The following RGL1 variants were observed in gnomAD, a reference collection of about 807,000 sequenced individuals.
RGL1 encodes the protein ral guanine nucleotide dissociation stimulator like 1.
RGL1 carries 24 observed loss-of-function variants against 95.2 expected under a neutral mutation model. The ratio of observed to expected loss-of-function variants is 0.25; its 90% CI spans 0.18 to 0.35. The LOEUF is 0.35. Among genes scored for constraint, RGL1 ranks in the 10% least tolerant of loss-of-function variants. The probability of loss-of-function intolerance (pLI) is 1.00; values close to 1 mark genes in which losing one functional copy is unlikely to be tolerated. For missense variants in RGL1, 715 were observed against 936.3 expected, an observed-to-expected ratio of 0.76 and a Z score of 3.08; for synonymous variants, 329 against 344.9, an observed-to-expected ratio of 0.95 and a Z score of 0.51.
intron 2 of RGL1, among the ~76,000 whole-genome samples, chr1:183,791,738 A>G (rs1430303068): frequency 6.6e-6 from 1 of 152,240 alleles, no homozygotes; most frequent in Non-Finnish European, 1.5e-5. Context: ...GAAGTATTCT[A>G]AAGTCCATTG....
At chr1:183,718,212 C>T (rs944855131) in intron 1 of RGL1, among the ~76,000 whole-genome samples, 2 of 138,070 alleles carry the variant, frequency 1.4e-5, no homozygotes, top group Non-Finnish European at 3.1e-5. Flanking sequence ...CCATCCTGGG[C>T]GACAGAGGGA....
chr1:183,904,759 G>A, intron 12 of RGL1, 91 bp from the exon 13 acceptor site: 1 of 1,306,130 alleles, frequency 7.7e-7, no homozygotes, highest in African/African-American at 1.5e-5. Context: ...TTATCCTAAT[G>A]TGGTATATTT....
intron 1 of RGL1, chr1:183,648,271 G>A (rs1246378805): frequency 1.1e-5 from 18 of 1,614,066 alleles, no homozygotes; most frequent in South Asian, 3.3e-5. Flanking sequence ...AGAGCTTCGC[G>A]GTTCCATGCT....
In RGL1 at chr1:183,927,307, C is replaced by G. The variant is rs547126249; in HGVS notation, c.*1015C>G. On this transcript the variant is annotated 3_prime_UTR_variant, in exon 18 of 18. Transcript: ENST00000360851. Reference sequence around the variant, plus strand: ...ACCTCTTTATTATGTGCAATTTATTCCTCAGGTGTGGAAATTTCTACTGCA... The same window carrying G: ...ACCTCTTTATTATGTGCAATTTATTGCTCAGGTGTGGAAATTTCTACTGCA... 1 of 152,600 alleles carries G rather than the reference C, an allele frequency of 6.6e-6. No homozygotes were observed. Among genetic ancestry groups the G allele is most frequent in the Admixed American group, 6.5e-5 (1 of 15,292 alleles). The allele number at this position is 152,600 out of a possible 1,614,324, so 9.5% of individuals were successfully genotyped here. A position where few individuals can be genotyped will look rare whatever the true frequency, so the allele number is the denominator to read the frequency against.
rs115919700 is a variant in RGL1, at chr1:183,692,589, G to A, written c.-32-49537G>A. Among the ~76,000 whole-genome samples the A allele has an allele frequency of 8.1e-3, 1,228 of 152,194 alleles. 18 individuals carry two copies. The highest frequency in any genetic ancestry group is 0.027 in the African/African-American group (1,130 of 41,520). The stretch of plus-strand genomic sequence containing the variant: ...CAGGTAGTTCACCTTTTATAGTTTC[G>A]TGCTTATTAACATAAATTTACTTTT... On this transcript the variant is annotated intron_variant, in intron 1 of 18. Coordinates refer to the RGL1 transcript ENST00000304685.
chr1:183,801,529 T>G (rs796895542), upstream of RGL1, among the ~76,000 whole-genome samples: 5 of 152,362 alleles, frequency 3.3e-5, no homozygotes, highest in African/African-American at 1.2e-4. Flanking sequence ...ATTTTAATTT[T>G]CTTGCCTGTG....
At chr1:183,887,092 C>CA (rs1229783152) in intron 7 of RGL1, among the ~76,000 whole-genome samples, 4 of 151,470 alleles carry the variant, frequency 2.6e-5, no homozygotes, top group Admixed American at 2.0e-4. Flanking sequence ...CTTTGTTGAA[C>CA]CATGCTCCCA....
intron 2 of RGL1, among the ~76,000 whole-genome samples, chr1:183,760,858 G>A (rs189971033): frequency 1.3e-3 from 194 of 152,198 alleles, no homozygotes; most frequent in African/African-American, 4.4e-3. Context: ...CACCACATTC[G>A]CAGCCCATTC....
chr1:183,763,646 G>A (rs1256929210), intron 2 of RGL1, among the ~76,000 whole-genome samples: 1 of 152,150 alleles, frequency 6.6e-6, no homozygotes, highest in Non-Finnish European at 1.5e-5. Context: ...AGACAGACTG[G>A]CCATGATGTG....
At chr1:183,643,587 G>A (rs116251073) in intron 1 of RGL1, among the ~76,000 whole-genome samples, 2,883 of 152,062 alleles carry the variant, frequency 0.019, 56 homozygotes, top group Non-Finnish European at 0.034. Flanking sequence ...CACCGCGCCC[G>A]GCCCGAGGTC....
intron 3 of RGL1, among the ~76,000 whole-genome samples, chr1:183,857,632 A>G (rs1572511804): frequency 6.6e-6 from 1 of 152,254 alleles, no homozygotes; most frequent in East Asian, 1.9e-4. Context: ...GGGCATTGTT[A>G]TTATTTTCTC....
At chr1:183,896,382 T>A (rs934609141) in intron 9 of RGL1, among the ~76,000 whole-genome samples, 1 of 152,224 alleles carries the variant, frequency 6.6e-6, no homozygotes, top group African/African-American at 2.4e-5. Flanking sequence ...TGTGAAAAAC[T>A]ATGAATGGGA....
At chr1:183,869,617 TCTCA>T (rs991389580) in intron 4 of RGL1, among the ~76,000 whole-genome samples, 7 of 152,210 alleles carry the variant, frequency 4.6e-5, no homozygotes, top group Non-Finnish European at 5.9e-5. Flanking sequence ...CTTCTGTCTT[TCTCA>T]CTGTTTTTTC....
chr1:183,655,370 A>G (rs890581473), intron 1 of RGL1, among the ~76,000 whole-genome samples: 1 of 152,262 alleles, frequency 6.6e-6, no homozygotes, highest in African/African-American at 2.4e-5. Context: ...TTAAAGTTTT[A>G]TTTGAACCTA....
At chr1:183,841,377 C>T (rs910009224) in intron 2 of RGL1, among the ~76,000 whole-genome samples, 3 of 152,132 alleles carry the variant, frequency 2.0e-5, no homozygotes, top group African/African-American at 7.2e-5. Flanking sequence ...TTTCACTGGG[C>T]ATCCTGTAAT....
chr1:183,716,358 A>G (rs1380258925), intron 1 of RGL1, among the ~76,000 whole-genome samples: 1 of 152,246 alleles, frequency 6.6e-6, no homozygotes, highest in Non-Finnish European at 1.5e-5. Flanking sequence ...TAATCATAAA[A>G]GAAGTTTATT....
chr1:183,819,855 G>C (rs1343731092), intron 2 of RGL1, among the ~76,000 whole-genome samples: 1 of 150,690 alleles, frequency 6.6e-6, no homozygotes, highest in East Asian at 1.9e-4. Context: ...TGTGATCATA[G>C]TTCACTGCAG....
intron 2 of RGL1, among the ~76,000 whole-genome samples, chr1:183,797,230 G>A (rs1337831478): frequency 1.3e-5 from 2 of 152,174 alleles, no homozygotes; most frequent in Admixed American, 1.3e-4. Context: ...TTGGGAAGCT[G>A]CGGCAGGAGA....
At chr1:183,816,066 G>A (rs1355914782) in intron 2 of RGL1, among the ~76,000 whole-genome samples, 2 of 152,074 alleles carry the variant, frequency 1.3e-5, no homozygotes, top group African/African-American at 4.8e-5. Context: ...AGTAATCCTC[G>A]TATATTAGAA....
Sources: allele counts gnomAD v4.1 joint callset (sites outside exome capture counted in the v4.1 genomes callset), GRCh38; gene constraint gnomAD v4.1.1; transcripts MANE v1.5; gene names NCBI Gene and HGNC (gene_info 2026-07-23, HGNC 2026-07-21).